The following APBB1 variants were observed in gnomAD, a reference collection of about 807,000 sequenced individuals.
APBB1 encodes the protein amyloid beta precursor protein binding family B member 1.
A neutral mutation model predicts 78.4 loss-of-function variants in APBB1; 22 were observed. The ratio of observed to expected loss-of-function variants is 0.28; its 90% CI spans 0.20 to 0.40. The LOEUF (loss-of-function observed/expected upper bound fraction) is 0.40, where lower values mean the gene tolerates loss of function less well. Ranked by LOEUF, APBB1 falls within the 10% of genes least tolerant of loss-of-function variation. APBB1 has a pLI of 1.00. For missense variants in APBB1, 749 were observed against 932.4 expected, an observed-to-expected ratio of 0.80 and a Z score of 2.56; for synonymous variants, 369 against 372.7, an observed-to-expected ratio of 0.99 and a Z score of 0.12.
intron 1 of APBB1, among the ~76,000 whole-genome samples, chr11:6,413,478 A>C (rs1849034910): frequency 6.6e-6 from 1 of 152,078 alleles, no homozygotes; most frequent in South Asian, 2.1e-4. Flanking sequence ...CAGGTCTTGC[A>C]GCTACCTGAG....
At chr11:6,404,325 C>T (rs1392872907) in intron 2 of APBB1, among the ~76,000 whole-genome samples, 1 of 152,172 alleles carries the variant, frequency 6.6e-6, no homozygotes, top group African/African-American at 2.4e-5. Context: ...CATGTATGTG[C>T]AGGGGCACAC....
At position 6,403,215 on chromosome 11, in the gene APBB1, G is replaced by C. The variant is rs1450549552; in HGVS notation, c.1041-7C>G. 1.2e-6 allele frequency: 2 copies of C among 1,613,156 alleles called. No homozygotes were observed. The highest frequency in any genetic ancestry group is 1.7e-6 in the Non-Finnish European group (2 of 1,179,594). On this transcript the variant is annotated splice_region_variant and splice_polypyrimidine_tract_variant and intron_variant, in intron 5 of 14. Transcript: ENST00000609360. The surrounding 1 kb of genome is among the most constrained non-coding windows in gnomAD (Gnocchi z 5.3). ...TTGGGGCAACGGCTCTGGGCTGAAGGCAGATGGTAATACTTGGCACAGGGC... is the reference window on the plus strand; with the variant it reads ...TTGGGGCAACGGCTCTGGGCTGAAGCCAGATGGTAATACTTGGCACAGGGC...
At chr11:6,406,146 C>T (rs548103519) in intron 2 of APBB1, among the ~76,000 whole-genome samples, 3 of 152,356 alleles carry the variant, frequency 2.0e-5, no homozygotes, top group South Asian at 4.1e-4. Flanking sequence ...CAGCCCACCC[C>T]GGCCTTTGCT....
At position 6,403,977 on chromosome 11, in the gene APBB1, GGAGTCA is replaced by G; in HGVS notation, c.722-161_722-156del. 1.3e-6 allele frequency: 1 copy of G among 791,990 alleles called. No homozygotes were observed. Among genetic ancestry groups the G allele is most frequent in the Non-Finnish European group, 1.9e-6 (1 of 536,284 alleles). 49.1% of individuals were successfully genotyped at this position (791,990 alleles called of 1,614,324 possible). ...TGCTTCTGCCTAGAGCCTATAGTCT[GGAGTCA>G]CCACATGTGGGGCCACCAGTAGGGG... On this transcript the variant is annotated intron_variant, in intron 2 of 14. Coordinates refer to ENST00000609360, the MANE Select transcript of APBB1 (RefSeq NM_001164.5). This position sits in a 1 kb window ranked among gnomAD's most constrained non-coding sequence, Gnocchi z 5.3.
In APBB1 at chr11:6,401,808, TC is replaced by T. The variant is rs1239951600; in HGVS notation, c.1389-121del. 4.9e-6 allele frequency: 7 copies of T among 1,438,448 alleles called. No homozygotes were observed. The East Asian group carries it at 1.4e-4, about 29-fold the overall frequency. 89.1% of individuals were successfully genotyped at this position (1,438,448 alleles called of 1,614,324 possible). ...CTCCAGGGCTTCTGCCCACAGCTGG[TC>T]CCCCATAGGTGCTGCCTTCTTGGGG... On this transcript the variant is annotated intron_variant, in intron 9 of 14. Coordinates refer to ENST00000609360, the MANE Select transcript of APBB1 (RefSeq NM_001164.5). This position sits in a 1 kb window ranked among gnomAD's most constrained non-coding sequence, Gnocchi z 4.5.
intron 1 of APBB1, among the ~76,000 whole-genome samples, chr11:6,416,903 G>A (rs1296265203): frequency 6.6e-6 from 1 of 152,052 alleles, no homozygotes; most frequent in African/African-American, 2.4e-5. Context: ...CACCATGCCC[G>A]GCTAATTTTT....
Position 6,401,958 on chromosome 11 carries a change from G to C in APBB1, c.1388+19C>G. On this transcript the variant is annotated intron_variant, in intron 9 of 14. Coordinates refer to ENST00000609360, the MANE Select transcript of APBB1 (RefSeq NM_001164.5). The surrounding 1 kb of genome is among the most constrained non-coding windows in gnomAD (Gnocchi z 4.5). ...AGGCATCTGGTCCAGGTGTAGGAGG[G>C]GGAAAATAGGCATAGTACCTCTCTC... The C allele has an allele frequency of 1.3e-6, 2 of 1,556,378 alleles. No homozygotes were observed. Among genetic ancestry groups the C allele is most frequent in the Middle Eastern group, 3.4e-4 (2 of 5,826 alleles).
intron 2 of APBB1, chr11:6,404,745 C>G (rs532203152): frequency 6.5e-7 from 1 of 1,536,386 alleles, no homozygotes; most frequent in South Asian, 1.2e-5. Context: ...TGCCCCTCAC[C>G]TGCGCTGCTG....
At chr11:6,412,852 A>G (rs1849006557) in intron 1 of APBB1, among the ~76,000 whole-genome samples, 1 of 152,096 alleles carries the variant, frequency 6.6e-6, no homozygotes, top group Non-Finnish European at 1.5e-5. Flanking sequence ...GGTGCCCCAA[A>G]CAAACTCCAC....
intron 2 of APBB1, among the ~76,000 whole-genome samples, chr11:6,410,402 A>G (rs1170914988): frequency 1.3e-5 from 2 of 152,180 alleles, no homozygotes; most frequent in Non-Finnish European, 2.9e-5. Context: ...CTTATCAACC[A>G]TGGTGGCATG....
In APBB1 at chr11:6,403,681, G is replaced by T; in HGVS notation, c.863C>A (p.Pro288His). ...CTCTTGGGGGCTGCTCCCCTGTGAG[G>T]GGGAGGCCCGGCCGGGGGGTTCCCA... ...TQWEPPGRAS[P>H]SQGSSPQEES... Residue 288 changes from proline (P) to histidine (H), a missense_variant, in exon 3 of 15, where the codon CCC becomes CAC. Pro to His is a moderately conservative substitution (Grantham distance 77, BLOSUM62 -2). Around this residue, in one of 3 missense-constraint regions of APBB1, gnomAD observed 635 missense variants for 765.0 expected, o/e 0.83. Transcript: ENST00000609360. This position sits in a 1 kb window ranked among gnomAD's most constrained non-coding sequence, Gnocchi z 5.3. 6.2e-7 allele frequency: 1 copy of T among 1,608,536 alleles called. No individual in the cohort carries two copies. Among genetic ancestry groups the T allele is most frequent in the Non-Finnish European group, 8.5e-7 (1 of 1,176,636 alleles).
intron 12 of APBB1, among the ~76,000 whole-genome samples, chr11:6,397,166 G>A (rs913620634): frequency 4.6e-5 from 7 of 152,228 alleles, no homozygotes; most frequent in Admixed American, 3.3e-4. Flanking sequence ...TCTGCACAAT[G>A]CCAGTGCAAA....
At chr11:6,415,189 A>G (rs1377369124) in intron 1 of APBB1, among the ~76,000 whole-genome samples, 2 of 152,184 alleles carry the variant, frequency 1.3e-5, no homozygotes. Flanking sequence ...GGATGCAAAG[A>G]GCCAACTGGG....
intron 2 of APBB1, among the ~76,000 whole-genome samples, chr11:6,410,414 A>C (rs866650224): frequency 6.6e-6 from 1 of 152,240 alleles, no homozygotes; most frequent in Non-Finnish European, 1.5e-5. Context: ...GGTGGCATGC[A>C]TAATGAATAG....
Position 6,395,640 on chromosome 11 carries a change from G to T in APBB1, c.2027C>A (p.Pro676His). ...ACGCCGTGCCACAGACTCAGCAGGG[G>T]GTGCTGGGAGGCAGGAGGTGGAGGC... ...SQASTSCLPA[P>H]PAESVARRVG... The change falls in exon 15 of 15, where the codon CCC becomes CAC. Residue 676 changes from proline to histidine, a missense_variant. Pro to His is a moderately conservative substitution (Grantham distance 77). Coordinates refer to ENST00000609360, the MANE Select transcript of APBB1 (RefSeq NM_001164.5). The surrounding 1 kb of genome is among the most constrained non-coding windows in gnomAD (Gnocchi z 5.2). The T allele has an allele frequency of 6.3e-7, 1 of 1,595,676 alleles. No individual in the cohort carries two copies. The highest frequency in any genetic ancestry group is 8.5e-7 in the Non-Finnish European group (1 of 1,169,704).
chr11:6,410,136 C>G (rs1387769595), intron 2 of APBB1, among the ~76,000 whole-genome samples: 1 of 151,634 alleles, frequency 6.6e-6, no homozygotes, highest in Non-Finnish European at 1.5e-5. Context: ...GCATTGTGCT[C>G]TATGCATTGG....
Position 6,395,444 on chromosome 11 carries a change from C to A in APBB1, c.*90G>T. The A allele has an allele frequency of 7.2e-7, 1 of 1,390,052 alleles. No individual in the cohort carries two copies. Among genetic ancestry groups the A allele is most frequent in the East Asian group, 2.5e-5 (1 of 39,554 alleles). 86.1% of individuals were successfully genotyped at this position (1,390,052 alleles called of 1,614,324 possible). ...GGGGCATATTTGGGAGGCCTGAGGC[C>A]TAGGAATAGCCTCTAGACCCCTCCC... On this transcript the variant is annotated 3_prime_UTR_variant, in exon 15 of 15. Transcript: ENST00000609360. This position sits in a 1 kb window ranked among gnomAD's most constrained non-coding sequence, Gnocchi z 5.2.
chr11:6,403,869 A>G lies in APBB1; in HGVS notation c.722-47T>C, dbSNP rs772044031. The G allele has an allele frequency of 1.6e-5, 25 of 1,515,956 alleles. No homozygotes were observed. The East Asian group carries it at 5.2e-4, about 32-fold the overall frequency. The allele number at this position is 1,515,956 out of a possible 1,614,324, so 93.9% of individuals were successfully genotyped here. On this transcript the variant is annotated intron_variant, in intron 2 of 14. Transcript: ENST00000609360. This position sits in a 1 kb window ranked among gnomAD's most constrained non-coding sequence, Gnocchi z 5.3. The stretch of plus-strand genomic sequence containing the variant: ...GAGGGTCAGCCTACCCAAAGAGCAG[A>G]CAGCTGGTGCCTATGCCCGGTCCCC...
chr11:6,396,226 T>C lies in APBB1; in HGVS notation c.1673-11A>G. ...TAATCACATCTACCCCTAGAACATA[T>C]GGACACAAGATACCACTGAGGGTAG... On this transcript the variant is annotated splice_polypyrimidine_tract_variant and intron_variant, in intron 12 of 14. Transcript: ENST00000609360. 6.5e-7 allele frequency: 1 copy of C among 1,548,064 alleles called. No individual in the cohort carries two copies. Among genetic ancestry groups the C allele is most frequent in the Non-Finnish European group, 8.7e-7 (1 of 1,144,536 alleles).
Sources: allele counts gnomAD v4.1 joint callset (sites outside exome capture counted in the v4.1 genomes callset), GRCh38; gene constraint gnomAD v4.1.1; regional missense constraint gnomAD v4.1.1; non-coding constraint Gnocchi (gnomAD v3.1); transcripts MANE v1.5; gene names NCBI Gene and HGNC (gene_info 2026-07-23, HGNC 2026-07-21).